The following KIF16B variants were observed in gnomAD, a reference collection of about 807,000 sequenced individuals.
The protein encoded by KIF16B is kinesin-like protein KIF16B.
A neutral mutation model predicts 156.3 loss-of-function variants in KIF16B; 98 were observed. That is an observed-to-expected ratio of 0.63 (90% CI 0.53 to 0.74). The LOEUF is 0.74. KIF16B is among the 30% of genes least tolerant of loss of function. KIF16B has a pLI of 0.00. For missense variants in KIF16B, 1,421 were observed against 1,606.5 expected, an observed-to-expected ratio of 0.88 and a Z score of 1.97; for synonymous variants, 564 against 583.7, an observed-to-expected ratio of 0.97 and a Z score of 0.49.
chr20:16,396,194 T>C (rs1007829313), intron 17 of KIF16B, among the ~76,000 whole-genome samples: 1 of 152,138 alleles, frequency 6.6e-6, no homozygotes, highest in African/African-American at 2.4e-5. Flanking sequence ...AACCCTATCA[T>C]GAACTCCACA....
intron 12 of KIF16B, among the ~76,000 whole-genome samples, chr20:16,481,290 G>T (rs1173486541): frequency 1.3e-5 from 2 of 152,172 alleles, no homozygotes; most frequent in Admixed American, 1.3e-4. Context: ...CAACCTTCCA[G>T]GCTCAAGCAG....
rs76590958 is a variant in KIF16B, at chr20:16,372,408, G to T, written c.3351-647C>A. On this transcript the variant is annotated intron_variant, in intron 20 of 25. Coordinates refer to ENST00000354981, the MANE Select transcript of KIF16B (RefSeq NM_024704.5). ...CCTAGGACAGGCCCAAAACAGAGAT[G>T]AAGCCAAACACCACTGACTTTTGAA... Among the ~76,000 whole-genome samples, 1,309 of 152,302 alleles carry T rather than the reference G, an allele frequency of 8.6e-3. 25 individuals carry two copies. The highest frequency in any genetic ancestry group is 0.03 in the African/African-American group (1,251 of 41,568).
chr20:16,545,405 C>T (rs945772570), intron 1 of KIF16B, among the ~76,000 whole-genome samples: 18 of 151,920 alleles, frequency 1.2e-4, no homozygotes, highest in African/African-American at 4.3e-4. Flanking sequence ...TGGCTCCCGC[C>T]TGTAATCCCA....
At chr20:16,351,088 G>A (rs1476799543) in intron 23 of KIF16B, among the ~76,000 whole-genome samples, 1 of 152,150 alleles carries the variant, frequency 6.6e-6, no homozygotes, top group Non-Finnish European at 1.5e-5. Context: ...CACTACTGCA[G>A]ATGACCACTC....
chr20:16,361,281 C>T (rs569002991), intron 22 of KIF16B, among the ~76,000 whole-genome samples: 29 of 152,080 alleles, frequency 1.9e-4, no homozygotes, highest in South Asian at 1.5e-3. Context: ...AAAGAGACGA[C>T]GAAGATTTGG....
chr20:16,438,062 G>C (rs1038084787), intron 12 of KIF16B, among the ~76,000 whole-genome samples: 27 of 151,940 alleles, frequency 1.8e-4, no homozygotes, highest in South Asian at 8.3e-4. Flanking sequence ...CAGGAGAATC[G>C]CTTGAACCTG....
At chr20:16,456,709 A>G (rs1169001200) in intron 12 of KIF16B, among the ~76,000 whole-genome samples, 1 of 152,140 alleles carries the variant, frequency 6.6e-6, no homozygotes, top group African/African-American at 2.4e-5. Context: ...GCTATGCTCT[A>G]CTACTCAGTG....
At chr20:16,300,482 C>T (rs553268730) in intron 25 of KIF16B, among the ~76,000 whole-genome samples, 1 of 152,236 alleles carries the variant, frequency 6.6e-6, no homozygotes, top group African/African-American at 2.4e-5. Context: ...TTCTTCTCTT[C>T]CCTCTTCTTC....
chr20:16,431,464 C>T (rs1201469213), intron 12 of KIF16B, among the ~76,000 whole-genome samples: 1 of 152,152 alleles, frequency 6.6e-6, no homozygotes, highest in African/African-American at 2.4e-5. Flanking sequence ...ACTTGCCAGC[C>T]TGCCCCATCT....
chr20:16,492,372 G>A (rs1443831041), intron 12 of KIF16B, among the ~76,000 whole-genome samples: 1 of 152,090 alleles, frequency 6.6e-6, no homozygotes, highest in Non-Finnish European at 1.5e-5. Context: ...AATGACTACA[G>A]GTTTAAAGCA....
chr20:16,554,751 T>C (rs1271593200), intron 1 of KIF16B, among the ~76,000 whole-genome samples: 3 of 152,198 alleles, frequency 2.0e-5, no homozygotes, highest in East Asian at 3.9e-4. Flanking sequence ...TGTCACACCC[T>C]CTTTGGGGCT....
At chr20:16,501,587 C>G (rs573858579) in intron 10 of KIF16B, among the ~76,000 whole-genome samples, 1 of 152,120 alleles carries the variant, frequency 6.6e-6, no homozygotes, top group South Asian at 2.1e-4. Context: ...AAATAGGAAA[C>G]CCCTCAAATG....
chr20:16,367,440 C>T (rs372640380), intron 22 of KIF16B: 28 of 1,612,710 alleles, frequency 1.7e-5, no homozygotes, highest in African/African-American at 1.5e-4. Context: ...ATTGTGCACC[C>T]GGAGGAGGTA....
At chr20:16,374,970 A>G (rs1432900026) in intron 19 of KIF16B, among the ~76,000 whole-genome samples, 1 of 152,196 alleles carries the variant, frequency 6.6e-6, no homozygotes, top group African/African-American at 2.4e-5. Context: ...CATGAAAACC[A>G]GGCATCCACT....
At chr20:16,441,026 T>G (rs2146527708) in intron 12 of KIF16B, among the ~76,000 whole-genome samples, 1 of 152,328 alleles carries the variant, frequency 6.6e-6, no homozygotes, top group Admixed American at 6.5e-5. Context: ...ACTAGACTTT[T>G]TAAGTAGAGC....
At chr20:16,280,263 G>A (rs2063125198) in intron 25 of KIF16B, among the ~76,000 whole-genome samples, 1 of 152,214 alleles carries the variant, frequency 6.6e-6, no homozygotes, top group Non-Finnish European at 1.5e-5. Flanking sequence ...AAAAACCTGT[G>A]AAGTCAACAA....
chr20:16,514,370 A>T (rs1029434059), intron 4 of KIF16B, among the ~76,000 whole-genome samples: 1 of 152,086 alleles, frequency 6.6e-6, no homozygotes, highest in Admixed American at 6.5e-5. Context: ...AAGAGCCTGG[A>T]TGTAAGCAGT....
chr20:16,509,476 A>T (rs189032110), intron 6 of KIF16B, among the ~76,000 whole-genome samples: 9 of 152,336 alleles, frequency 5.9e-5, no homozygotes, highest in African/African-American at 2.2e-4. Context: ...TCCACAATAC[A>T]GTCTTATCAG....
intron 3 of KIF16B, among the ~76,000 whole-genome samples, chr20:16,517,974 G>A (rs2069198006): frequency 6.6e-6 from 1 of 152,078 alleles, no homozygotes; most frequent in Admixed American, 6.5e-5. Context: ...TATTCCCTAG[G>A]GTTAAAATCT....
Sources: gnomAD v4.1 joint callset for allele counts (sites outside exome capture counted in the v4.1 genomes callset) on GRCh38, gnomAD v4.1.1 for gene constraint, MANE v1.5 for transcripts, NCBI Gene and HGNC (gene_info 2026-07-23, HGNC 2026-07-21) for gene names.